DCDC1: variants seen among roughly 807,000 people sequenced by gnomAD.
DCDC1 encodes the protein doublecortin domain containing 1.
In DCDC1, 200 loss-of-function variants were observed where a neutral mutation model predicts 178.3. That is an observed-to-expected ratio of 1.12 (90% CI 1.00 to 1.26). The LOEUF (loss-of-function observed/expected upper bound fraction) is 1.26, where lower values mean the gene tolerates loss of function less well. Among genes scored for constraint, DCDC1 ranks in the 50% most tolerant of loss-of-function variants. The pLI is 0.00. For synonymous variants in DCDC1, 690 were observed against 604.8 expected, an observed-to-expected ratio of 1.14 and a Z score of -2.07; for missense variants, 1,983 against 1,749.2, an observed-to-expected ratio of 1.13 and a Z score of -2.38.
chr11:31,085,580 C>T (rs1315734815), intron 17 of DCDC1, among the ~76,000 whole-genome samples: 1 of 151,856 alleles, frequency 6.6e-6, no homozygotes, highest in Non-Finnish European at 1.5e-5. Context: ...GAGTTTATTC[C>T]TTTTTATTGC....
At position 31,207,580 on chromosome 11, in the gene DCDC1, C is replaced by A. The variant is rs78787589; in HGVS notation, c.1221+33870G>T. ...TGTTACATCGGATGAACTGTCTATTCTCCTGAAATTATATAATGGATCTTT... is the reference window on the plus strand; with the variant it reads ...TGTTACATCGGATGAACTGTCTATTATCCTGAAATTATATAATGGATCTTT... On this transcript the variant is annotated intron_variant, in intron 9 of 38. Coordinates refer to ENST00000684477, the MANE Select transcript of DCDC1 (RefSeq NM_001387274.1). 3.6e-3 allele frequency among the ~76,000 whole-genome samples: 555 copies of A among 152,270 alleles called. 13 individuals are homozygous for A. The highest frequency in any genetic ancestry group is 1.7e-3 in the Non-Finnish European group (115 of 68,018).
intron 8 of DCDC1, among the ~76,000 whole-genome samples, chr11:31,254,386 T>C (rs908518198): frequency 3.9e-5 from 6 of 152,166 alleles, no homozygotes; most frequent in Non-Finnish European, 8.8e-5. Flanking sequence ...ATGTGCAGAT[T>C]GTCATGAAAT....
chr11:31,046,216 T>C (rs1425347793), intron 20 of DCDC1, among the ~76,000 whole-genome samples: 4 of 152,236 alleles, frequency 2.6e-5, no homozygotes, highest in Non-Finnish European at 2.9e-5. Context: ...TGTGTTTGCT[T>C]TTGAAATTGG....
chr11:31,176,949 C>A (rs1426808832), intron 9 of DCDC1, among the ~76,000 whole-genome samples: 1 of 152,046 alleles, frequency 6.6e-6, no homozygotes, highest in Admixed American at 6.5e-5. Flanking sequence ...GTCATGAAAA[C>A]ATGTGAAAGT....
At chr11:31,286,113 T>C (rs1306399550) in intron 7 of DCDC1, among the ~76,000 whole-genome samples, 1 of 152,052 alleles carries the variant, frequency 6.6e-6, no homozygotes, top group Non-Finnish European at 1.5e-5. Context: ...AACTTTAGAG[T>C]GGCTGGGAAT....
intron 8 of DCDC1, among the ~76,000 whole-genome samples, chr11:31,257,202 C>A (rs1268826913): frequency 6.6e-6 from 1 of 152,132 alleles, no homozygotes; most frequent in Non-Finnish European, 1.5e-5. Context: ...ACATCTGCTG[C>A]CTTCAATTCT....
chr11:31,224,594 T>C (rs1017789643), intron 9 of DCDC1, among the ~76,000 whole-genome samples: 4 of 152,088 alleles, frequency 2.6e-5, no homozygotes, highest in Admixed American at 6.6e-5. Flanking sequence ...GAGAAAATAT[T>C]TGCAAACTAT....
rs570808561 is a variant in DCDC1 at position 31,246,973 on chromosome 11, C to T, written c.1055-5357G>A. Among the ~76,000 whole-genome samples, 6 of 152,122 alleles carry T rather than the reference C, an allele frequency of 3.9e-5. No individual in the cohort carries two copies. In the South Asian group the frequency reaches 1.2e-3, roughly 31 times the overall value. ...TACTTAGAGCAATCTTTCACAGCTG[C>T]TTTAGTTTTTCAGTGATCCTATTAA... On this transcript the variant is annotated intron_variant, in intron 8 of 38. Coordinates refer to ENST00000684477, the MANE Select transcript of DCDC1 (RefSeq NM_001387274.1).
In DCDC1 at chr11:31,091,468, G is replaced by C. The variant is rs757689895; in HGVS notation, c.2162C>G (p.Ala721Gly). Residue 721 changes from alanine (A) to glycine (G), a missense_variant, in exon 17 of 39, where the codon GCT (alanine) becomes GGT (glycine). By Grantham distance (60) the Ala-to-Gly change is moderately conservative. Transcript: ENST00000684477. ...CTTGACTCTGATAGGATGACCAATA[G>C]CCAGGCAGCCCTGAGTTATCGCTCG... ...LSRAITQGCLAIGHPIRVKAA... is the reference protein window; with the variant it reads ...LSRAITQGCLGIGHPIRVKAA... The C allele has an allele frequency of 6.6e-6, 5 of 762,004 alleles. No individual in the cohort carries two copies. The Admixed American group carries it at 8.5e-5, about 13-fold the overall frequency. The allele number at this position is 762,004 out of a possible 1,614,324, so 47.2% of individuals were successfully genotyped here.
chr11:31,122,352 T>G (rs1960934347), intron 11 of DCDC1, among the ~76,000 whole-genome samples: 1 of 152,114 alleles, frequency 6.6e-6, no homozygotes. Flanking sequence ...AAAGCTGCTT[T>G]GGTAATCTTG....
intron 9 of DCDC1, among the ~76,000 whole-genome samples, chr11:31,236,794 T>A (rs919022900): frequency 2.0e-5 from 3 of 152,044 alleles, no homozygotes; most frequent in Non-Finnish European, 2.9e-5. Flanking sequence ...GTTTATATAT[T>A]ATAGATTTTG....
At chr11:30,914,265 GC>G (rs1419447861) in intron 27 of DCDC1, among the ~76,000 whole-genome samples, 1 of 152,218 alleles carries the variant, frequency 6.6e-6, no homozygotes, top group Non-Finnish European at 1.5e-5. Flanking sequence ...TCTAACATCA[GC>G]CCAGCGAGTT....
intron 1 of DCDC1, among the ~76,000 whole-genome samples, chr11:31,341,845 A>ACACACAC (rs1950567324): frequency 2.0e-5 from 3 of 149,936 alleles, no homozygotes; most frequent in Admixed American, 6.7e-5. Context: ...ACACACACAC[A>ACACACAC]TTTTTTTTGG....
At chr11:31,262,050 A>G (rs1944825530) in intron 8 of DCDC1, among the ~76,000 whole-genome samples, 1 of 152,230 alleles carries the variant, frequency 6.6e-6, no homozygotes, top group South Asian at 2.1e-4. Flanking sequence ...GGATTGCTTG[A>G]ACACAGAAGT....
intron 21 of DCDC1, among the ~76,000 whole-genome samples, chr11:30,933,778 A>G (rs548563482): frequency 6.6e-6 from 1 of 152,324 alleles, no homozygotes; most frequent in South Asian, 2.1e-4. Flanking sequence ...TGCCACAATT[A>G]TAAGAGATTT....
intron 17 of DCDC1, among the ~76,000 whole-genome samples, chr11:31,082,385 A>G (rs1590978962): frequency 6.6e-6 from 1 of 152,176 alleles, no homozygotes; most frequent in East Asian, 1.9e-4. Flanking sequence ...GGCATTCTTC[A>G]GATCCTTCCT....
chr11:31,267,482 A>T (rs1486948435), intron 7 of DCDC1, among the ~76,000 whole-genome samples: 1 of 152,210 alleles, frequency 6.6e-6, no homozygotes, highest in East Asian at 1.9e-4. Context: ...GTGAGCCATC[A>T]CGCCCAGCCA....
At chr11:31,234,388 G>A (rs2150212) in intron 9 of DCDC1, among the ~76,000 whole-genome samples, 45,085 of 151,980 alleles carry the variant, frequency 0.3, 8,127 homozygotes, top group East Asian at 0.63. Context: ...ATGTTTACTC[G>A]AACTAACGCT....
chr11:31,295,821 G>C (rs962506462), intron 6 of DCDC1, among the ~76,000 whole-genome samples: 1 of 152,140 alleles, frequency 6.6e-6, no homozygotes, highest in South Asian at 2.1e-4. Flanking sequence ...TAAAGGAAGG[G>C]AGGGAGACCT....
Sources: gnomAD v4.1 joint callset for allele counts (sites outside exome capture counted in the v4.1 genomes callset) on GRCh38, gnomAD v4.1.1 for gene constraint, MANE v1.5 for transcripts, NCBI Gene and HGNC (gene_info 2026-07-23, HGNC 2026-07-21) for gene names.